RPS25: variants seen among roughly 807,000 people sequenced by gnomAD.
The protein encoded by RPS25 is small ribosomal subunit protein eS25.
Under a neutral mutation model 14.4 loss-of-function variants are expected in RPS25, and 1 was observed. The observed-to-expected ratio is 0.07, with a 90% CI of 0.02 to 0.33. The LOEUF (loss-of-function observed/expected upper bound fraction) is 0.33, where lower values mean the gene tolerates loss of function less well. Ranked by LOEUF, RPS25 falls within the 10% of genes least tolerant of loss-of-function variation. The probability of loss-of-function intolerance (pLI) is 1.00; values close to 1 mark genes in which losing one functional copy is unlikely to be tolerated. For missense variants in RPS25, 65 were observed against 144.6 expected (o/e 0.45, Z 2.82); for synonymous variants, 63 against 53.8 (o/e 1.17, Z -0.75).
In RPS25 at chr11:119,018,060, G is replaced by C. The variant is rs913831645; in HGVS notation, c.4-7C>G. The C allele has an allele frequency of 3.1e-6, 5 of 1,612,062 alleles. No individual in the cohort carries two copies. The highest frequency in any genetic ancestry group is 4.2e-6 in the Non-Finnish European group (5 of 1,179,892). ...TCTTGTCGTCCTTAGGCGGCTGTAG[G>C]AGGGCAGCGGGAATGCAACCAGGTC... On this transcript the variant is annotated splice_polypyrimidine_tract_variant and splice_region_variant and intron_variant, in intron 1 of 4. Coordinates refer to ENST00000527673, the MANE Select transcript of RPS25 (RefSeq NM_001028.3).
At chr11:119,017,284 A>C in intron 3 of RPS25, 78 bp downstream of exon 3, 2 of 1,124,066 alleles carry the variant, frequency 1.8e-6, no homozygotes, top group East Asian at 5.1e-5. Flanking sequence ...CTGCTTTTCC[A>C]GCAAAACCAC....
intron 3 of RPS25, among the ~76,000 whole-genome samples, chr11:119,016,639 C>T (rs545655106): frequency 6.6e-6 from 1 of 151,214 alleles, no homozygotes; most frequent in African/African-American, 2.4e-5. Flanking sequence ...CTTCCACCCC[C>T]CCCCCCTTTC....
chr11:119,017,218 C>T (rs1943184192), intron 3 of RPS25, 144 bp downstream of exon 3: 7 of 594,588 alleles, frequency 1.2e-5, no homozygotes, highest in Non-Finnish European at 2.0e-5. Flanking sequence ...AGGAGTAAGA[C>T]GTCAGAATTA....
At chr11:119,015,816 C>A (rs1162775580) in intron 4 of RPS25, 25 bp downstream of exon 4, 1 of 1,479,418 alleles carries the variant, frequency 6.8e-7, no homozygotes, top group South Asian at 1.1e-5. Context: ...CCTCCTACAC[C>A]ATGAGCCCAC....
chr11:119,015,978 T>TG (rs1185507999), intron 3 of RPS25, 39 bp from the exon 4 acceptor site: 3 of 1,260,370 alleles, frequency 2.4e-6, no homozygotes, highest in Non-Finnish European at 3.5e-6. Flanking sequence ...GCTTAACAGA[T>TG]GCTACAATAG....
chr11:119,017,868 C>G (rs1943201163), intron 2 of RPS25, 90 bp downstream of exon 2: 2 of 1,046,616 alleles, frequency 1.9e-6, no homozygotes, highest in Admixed American at 1.9e-5. Context: ...AAATCTACAC[C>G]TGAAAAACCA....
chr11:119,018,155 G>A, intron 1 of RPS25, 102 bp from the exon 2 acceptor site: 5 of 1,564,350 alleles, frequency 3.2e-6, no homozygotes. Context: ...AGAGCACATG[G>A]GCCAAGCAAT....
intron 3 of RPS25, among the ~76,000 whole-genome samples, chr11:119,016,386 A>C (rs781974486): frequency 7.2e-5 from 11 of 152,174 alleles, no homozygotes; most frequent in Middle Eastern, 3.4e-3. Flanking sequence ...AACATGGCAA[A>C]ACCGCATCTC....
At chr11:119,016,645 C>G (rs943872926) in intron 3 of RPS25, among the ~76,000 whole-genome samples, 5 of 147,734 alleles carry the variant, frequency 3.4e-5, no homozygotes, top group Middle Eastern at 3.2e-3. Flanking sequence ...CCCCCCCCCC[C>G]TTTCTGAGAC....
rs781930440 is a variant in RPS25 at position 119,018,271 on chromosome 11, C to G, written c.3+11G>C. On this transcript the variant is annotated intron_variant, in intron 1 of 4. Transcript: ENST00000527673. ...CAAGAACGCCGGCGACTTCACACCC[C>G]TGAAGCTTACCATTGCGAAGCTCGG... 3.7e-6 allele frequency: 6 copies of G among 1,614,128 alleles called. No homozygotes were observed. The highest frequency in any genetic ancestry group is 2.2e-5 in the East Asian group (1 of 44,896).
At chr11:119,017,583 C>A in intron 2 of RPS25, 38 bp from the exon 3 acceptor site, 1 of 1,572,730 alleles carries the variant, frequency 6.4e-7, no homozygotes, top group Non-Finnish European at 8.7e-7. Context: ...GTTAGTATTT[C>A]TGGCAGAAGC....
intron 3 of RPS25, 33 bp downstream of exon 3, chr11:119,017,328 CT>C: frequency 6.7e-7 from 1 of 1,501,842 alleles, no homozygotes; most frequent in Non-Finnish European, 9.0e-7. Context: ...ACAATTTAAC[CT>C]ACAAAAACAC....
intron 1 of RPS25, 40 bp from the exon 2 acceptor site, chr11:119,018,093 A>T (rs1419391164): frequency 6.3e-7 from 1 of 1,595,444 alleles, no homozygotes; most frequent in Non-Finnish European, 8.6e-7. Flanking sequence ...GTCCTCAAAT[A>T]GCGCCAAAGT....
At position 119,018,334 on chromosome 11, in the gene RPS25, G is replaced by C. The variant is rs75423227; in HGVS notation, c.-50C>G. The C allele has an allele frequency of 3.7e-6, 6 of 1,613,484 alleles. No homozygotes were observed. The Admixed American group carries it at 6.7e-5, about 18-fold the overall frequency. On this transcript the variant is annotated 5_prime_UTR_variant, in exon 1 of 5. Transcript: ENST00000527673. ...GACACCGCAGCCTCGTCAAGATGTC[G>C]GACAAAAAGGAAGCGCTGCTCAGAA...
At chr11:119,018,221 GCTCT>G in intron 1 of RPS25, 57 bp downstream of exon 1, 1 of 1,612,410 alleles carries the variant, frequency 6.2e-7, no homozygotes, top group South Asian at 1.1e-5. Context: ...CCCGCCGAAG[GCTCT>G]CCCCACTGAG....
At position 119,017,678 on chromosome 11, in the gene RPS25, A is replaced by C. The variant is rs575541767; in HGVS notation, c.100-133T>G. ...AATTACACATTACTAAAACAAAAACAAAAAAAAAACACCGACACGTTTTTG... is the reference window on the plus strand; with the variant it reads ...AATTACACATTACTAAAACAAAAACCAAAAAAAAACACCGACACGTTTTTG... On this transcript the variant is annotated intron_variant, in intron 2 of 4. Transcript: ENST00000527673. 6 of 730,932 alleles carry C rather than the reference A, an allele frequency of 8.2e-6. No homozygotes were observed. In the South Asian group the frequency reaches 1.4e-4, roughly 17 times the overall value. The allele number at this position is 730,932 out of a possible 1,614,324, so 45.3% of individuals were successfully genotyped here. A position where few individuals can be genotyped will look rare whatever the true frequency, so the allele number is the denominator to read the frequency against.
Position 119,015,764 on chromosome 11 carries a change from A to C in RPS25, c.*5-6T>G. ...AAATGTACAGCTGGTTGGACCTGTA[A>C]AAAAAAATTAAAAGAATCAGAACCA... On this transcript the variant is annotated splice_region_variant and splice_polypyrimidine_tract_variant and intron_variant, in intron 4 of 4. Coordinates refer to ENST00000527673, the MANE Select transcript of RPS25 (RefSeq NM_001028.3). 1 of 1,298,816 alleles carries C rather than the reference A, an allele frequency of 7.7e-7. No homozygotes were observed. Among genetic ancestry groups the C allele is most frequent in the African/African-American group, 1.5e-5 (1 of 67,384 alleles). 80.5% of individuals were successfully genotyped at this position (1,298,816 alleles called of 1,614,324 possible).
chr11:119,017,914 G>A (rs376673750), intron 2 of RPS25, 44 bp downstream of exon 2: 4 of 1,475,144 alleles, frequency 2.7e-6, no homozygotes, highest in East Asian at 4.5e-5. Flanking sequence ...AGAGGATTAC[G>A]AGAGAGTTAC....
rs73559160 is a variant in RPS25 at position 119,015,974 on chromosome 11, C to T, written c.284-35G>A. The T allele has an allele frequency of 2.0e-3, 2,528 of 1,278,332 alleles. 41 individuals are homozygous for T. The African/African-American group carries it at 0.032, about 16-fold the overall frequency. 79.2% of individuals were successfully genotyped at this position (1,278,332 alleles called of 1,614,324 possible). ...GAGAATAGCACGATGAGATGCTTAACAGATGCTACAATAGAAACTAGTAAG... is the reference window on the plus strand; with the variant it reads ...GAGAATAGCACGATGAGATGCTTAATAGATGCTACAATAGAAACTAGTAAG... On this transcript the variant is annotated intron_variant, in intron 3 of 4. Transcript: ENST00000527673.
Sources: gnomAD v4.1 joint callset for allele counts (sites outside exome capture counted in the v4.1 genomes callset) on GRCh38, gnomAD v4.1.1 for gene constraint, MANE v1.5 for transcripts, NCBI Gene and HGNC (gene_info 2026-07-23, HGNC 2026-07-21) for gene names.